The following ARMH3 variants were observed in gnomAD, a reference collection of about 807,000 sequenced individuals.
The protein encoded by ARMH3 is armadillo-like helical domain-containing protein 3.
A neutral mutation model predicts 99.1 loss-of-function variants in ARMH3; 60 were observed. The observed-to-expected ratio is 0.61, with a 90% CI of 0.49 to 0.75. The LOEUF (loss-of-function observed/expected upper bound fraction) is 0.75, where lower values mean the gene tolerates loss of function less well. Among genes scored for constraint, ARMH3 ranks in the 30% least tolerant of loss-of-function variants. The pLI is 0.00. For missense variants in ARMH3, 679 were observed against 843.1 expected (o/e 0.81, Z 2.41); for synonymous variants, 285 against 292.8 (o/e 0.97, Z 0.27).
intron 24 of ARMH3, among the ~76,000 whole-genome samples, chr10:101,855,617 C>T (rs897353920): frequency 2.0e-5 from 3 of 150,958 alleles, no homozygotes; most frequent in African/African-American, 7.3e-5. Flanking sequence ...ATAATCACAG[C>T]TCACTGCACC....
chr10:101,857,316 G>A (rs544655194), intron 24 of ARMH3, among the ~76,000 whole-genome samples: 2 of 152,136 alleles, frequency 1.3e-5, no homozygotes, highest in Non-Finnish European at 2.9e-5. Flanking sequence ...AAATTTGCCG[G>A]GAGTGGTGGC....
intron 24 of ARMH3, among the ~76,000 whole-genome samples, chr10:101,882,090 C>T (rs2067433983): frequency 6.6e-6 from 1 of 152,168 alleles, no homozygotes; most frequent in Admixed American, 6.5e-5. Flanking sequence ...CTAGCACACT[C>T]AGAGGCAAAG....
intron 8 of ARMH3, among the ~76,000 whole-genome samples, chr10:102,019,927 CA>C (rs35874445): frequency 0.58 from 62,476 of 108,360 alleles, 14,121 homozygotes; most frequent in East Asian, 0.72. Flanking sequence ...GACTCTGTCT[CA>C]AAAAAAAAAA....
intron 20 of ARMH3, among the ~76,000 whole-genome samples, chr10:101,964,729 G>A (rs1845458403): frequency 6.6e-6 from 1 of 152,032 alleles, no homozygotes; most frequent in Admixed American, 6.6e-5. Context: ...AATTATTGCT[G>A]GCCAGACACG....
intron 22 of ARMH3, among the ~76,000 whole-genome samples, chr10:101,952,084 T>A (rs1723930372): frequency 6.6e-6 from 1 of 152,194 alleles, no homozygotes; most frequent in Non-Finnish European, 1.5e-5. Context: ...ACTTTCAAGT[T>A]GGCTGCATTT....
intron 24 of ARMH3, among the ~76,000 whole-genome samples, chr10:101,862,730 TAA>T (rs1247341149): frequency 6.9e-6 from 1 of 145,488 alleles, no homozygotes; most frequent in East Asian, 2.0e-4. Flanking sequence ...CTCAGTAAAA[TAA>T]AAAGAGGGCA....
chr10:101,993,664 TCA>T, intron 16 of ARMH3, 61 bp from the exon 17 acceptor site: 3 of 1,137,064 alleles, frequency 2.6e-6, no homozygotes, highest in Non-Finnish European at 3.9e-6. Context: ...CTGTAATCTA[TCA>T]CACTTCGTAC....
rs748264130 is a variant in ARMH3 at position 102,029,724 on chromosome 10, C to T, written c.328G>A (p.Gly110Arg). The T allele has an allele frequency of 1.2e-6, 2 of 1,613,970 alleles. No homozygotes were observed. The highest frequency in any genetic ancestry group is 3.3e-5 in the Admixed American group (2 of 60,000). The part of the protein sequence containing the change: ...ALQTLCALIR[G>R]VHQKNKSTSG... ...GTAGACTTATTCTTTTGATGGACTC[C>T]TCGAATGAGTGCGCACAGGGTCTGC... The change falls in exon 5 of 26, where the codon GGA becomes AGA. Residue 110 changes from glycine (G) to arginine (R), a missense_variant. Physicochemically the swap from Gly to Arg is moderately radical, Grantham distance 125. This residue lies in a region of ARMH3 where 280 missense variants were observed against 354.6 expected (regional missense o/e 0.79). Coordinates refer to ENST00000370033, the MANE Select transcript of ARMH3 (RefSeq NM_024541.3).
chr10:101,888,097 C>T (rs1294925115), intron 24 of ARMH3, among the ~76,000 whole-genome samples: 1 of 144,770 alleles, frequency 6.9e-6, no homozygotes, highest in African/African-American at 2.6e-5. Flanking sequence ...AGCTTTTAGA[C>T]TAACCAGAGC....
chr10:101,870,647 T>C (rs1040574928), intron 24 of ARMH3, among the ~76,000 whole-genome samples: 1 of 152,330 alleles, frequency 6.6e-6, no homozygotes, highest in East Asian at 1.9e-4. Flanking sequence ...CTGATTATGC[T>C]ACTAAACATT....
intron 2 of ARMH3, among the ~76,000 whole-genome samples, chr10:102,037,256 A>G (rs1401689058): frequency 6.9e-6 from 1 of 144,706 alleles, no homozygotes; most frequent in African/African-American, 2.6e-5. Flanking sequence ...ATCTCAGCTC[A>G]CTGCAACCTC....
Position 101,876,432 on chromosome 10 carries a change from C to G in ARMH3, c.1860+12980G>C, listed in dbSNP as rs563488651. Among the ~76,000 whole-genome samples, 5 of 152,152 alleles carry G rather than the reference C, an allele frequency of 3.3e-5. No homozygotes were observed. The East Asian group carries it at 9.7e-4, about 29-fold the overall frequency. On this transcript the variant is annotated intron_variant, in intron 24 of 25. Transcript: ENST00000370033. Reference sequence around the variant, plus strand: ...CTTTGTTCCTAACTCACTGGTAATTCAACACGGGATCTCTGTCTCTTTGCC... The same window carrying G: ...CTTTGTTCCTAACTCACTGGTAATTGAACACGGGATCTCTGTCTCTTTGCC...
chr10:101,865,591 C>T (rs547812119), intron 24 of ARMH3, among the ~76,000 whole-genome samples: 7 of 152,124 alleles, frequency 4.6e-5, no homozygotes, highest in South Asian at 2.1e-4. Flanking sequence ...CAGATTCAAG[C>T]GATTCTCCTG....
intron 1 of ARMH3, among the ~76,000 whole-genome samples, chr10:102,046,690 T>A (rs778117308): frequency 5.9e-5 from 9 of 152,140 alleles, no homozygotes; most frequent in African/African-American, 1.2e-4. Flanking sequence ...CTTGTACAGA[T>A]AAGTGAGTGT....
chr10:101,923,239 A>C (rs987952762), intron 23 of ARMH3, among the ~76,000 whole-genome samples: 4 of 152,216 alleles, frequency 2.6e-5, no homozygotes, highest in African/African-American at 9.7e-5. Context: ...CACTGAGTGC[A>C]TAATTCTGCT....
rs2066594619 is a variant in ARMH3 at position 102,009,976 on chromosome 10, C to A, written c.878+1G>T. 6.2e-7 allele frequency: 1 copy of A among 1,613,782 alleles called. No homozygotes were observed. Among genetic ancestry groups the A allele is most frequent in the East Asian group, 2.2e-5 (1 of 44,888 alleles). On this transcript the variant is annotated splice_donor_variant, in intron 12 of 25. Coordinates refer to ENST00000370033, the MANE Select transcript of ARMH3 (RefSeq NM_024541.3). LOFTEE classifies it high-confidence loss of function. ...ACTGCACAAGAATGTCAGGCACTTA[C>A]TGTACTGAGATTTTCTCATGGGCAT... is the stretch of plus-strand genomic sequence containing the variant.
intron 24 of ARMH3, among the ~76,000 whole-genome samples, chr10:101,872,004 A>G (rs978518052): frequency 2.0e-5 from 3 of 152,130 alleles, no homozygotes; most frequent in Admixed American, 6.6e-5. Flanking sequence ...TCAAAAAAAA[A>G]GAAAAAAAGA....
chr10:101,971,538 G>T (rs559414616), intron 20 of ARMH3, among the ~76,000 whole-genome samples: 93 of 152,202 alleles, frequency 6.1e-4, no homozygotes, highest in Non-Finnish European at 1.2e-3. Flanking sequence ...GCAACAGAGT[G>T]AGACTCTTTC....
At chr10:102,051,225 C>G (rs1349808605) in intron 1 of ARMH3, among the ~76,000 whole-genome samples, 1 of 151,064 alleles carries the variant, frequency 6.6e-6, no homozygotes, top group Non-Finnish European at 1.5e-5. Context: ...GTAATATCAG[C>G]ACTTTGGGAG....
Sources: gnomAD v4.1 joint callset for allele counts (sites outside exome capture counted in the v4.1 genomes callset) on GRCh38, gnomAD v4.1.1 for gene constraint, gnomAD v4.1.1 regional missense constraint, MANE v1.5 for transcripts, NCBI Gene and HGNC (gene_info 2026-07-23, HGNC 2026-07-21) for gene names.